ZNRF3: variants seen among roughly 807,000 people sequenced by gnomAD.
The protein encoded by ZNRF3 is zinc and ring finger 3.
A neutral mutation model predicts 72.5 loss-of-function variants in ZNRF3; 23 were observed. That is an observed-to-expected ratio of 0.32 (90% CI 0.23 to 0.45). ZNRF3 has a LOEUF of 0.45. Among genes scored for constraint, ZNRF3 ranks in the 20% least tolerant of loss-of-function variants. The pLI is 1.00. For synonymous variants in ZNRF3, 610 were observed against 545.3 expected, an observed-to-expected ratio of 1.12 and a Z score of -1.65; for missense variants, 1,169 against 1,272.1, an observed-to-expected ratio of 0.92 and a Z score of 1.23.
intron 2 of ZNRF3, among the ~76,000 whole-genome samples, chr22:28,989,299 T>C (rs1265365628): frequency 1.3e-5 from 2 of 152,158 alleles, no homozygotes; most frequent in Non-Finnish European, 2.9e-5. Context: ...CAGTTTTGCA[T>C]TTGTTTAAAG....
At chr22:29,038,444 T>C (rs1028091310) in intron 2 of ZNRF3, among the ~76,000 whole-genome samples, 3 of 151,432 alleles carry the variant, frequency 2.0e-5, no homozygotes, top group African/African-American at 7.3e-5. Flanking sequence ...TCAAGCAGTC[T>C]ACCTCAGCCT....
At chr22:29,015,930 C>T (rs1325477450) in intron 2 of ZNRF3, among the ~76,000 whole-genome samples, 2 of 150,366 alleles carry the variant, frequency 1.3e-5, no homozygotes, top group Non-Finnish European at 2.9e-5. Flanking sequence ...GAAGGAGAAT[C>T]GCTTGAACCC....
chr22:28,962,030 C>G (rs2035370528), intron 1 of ZNRF3, among the ~76,000 whole-genome samples: 1 of 152,206 alleles, frequency 6.6e-6, no homozygotes, highest in African/African-American at 2.4e-5. Context: ...TGTGGACTTT[C>G]TTCCTTGAGA....
At chr22:28,894,340 T>TTC (rs1225223145) in intron 1 of ZNRF3, among the ~76,000 whole-genome samples, 1 of 145,772 alleles carries the variant, frequency 6.9e-6, no homozygotes. Context: ...AATACTGGCT[T>TTC]TTTTTTTTTT....
chr22:29,013,345 C>A (rs1487983809), intron 2 of ZNRF3, among the ~76,000 whole-genome samples: 1 of 152,180 alleles, frequency 6.6e-6, no homozygotes, highest in Non-Finnish European at 1.5e-5. Context: ...TCCCCTGTTC[C>A]AACTTCTCAG....
chr22:28,919,602 C>T (rs938878262), intron 1 of ZNRF3, among the ~76,000 whole-genome samples: 2 of 149,948 alleles, frequency 1.3e-5, no homozygotes, highest in African/African-American at 2.5e-5. Context: ...TGCAGTGGTG[C>T]GATCTTGGCT....
chr22:28,900,275 T>A (rs2034078381), intron 1 of ZNRF3, among the ~76,000 whole-genome samples: 1 of 152,194 alleles, frequency 6.6e-6, no homozygotes, highest in African/African-American at 2.4e-5. Context: ...TAAGCAAAGA[T>A]CACAGTCGAA....
rs1313279759 is a variant in ZNRF3 at position 28,902,256 on chromosome 22, G to A, written c.300+18190G>A. 3.3e-5 allele frequency among the ~76,000 whole-genome samples: 5 copies of A among 152,106 alleles called. No individual in the cohort carries two copies. The East Asian group carries it at 5.8e-4, about 18-fold the overall frequency. On this transcript the variant is annotated intron_variant, in intron 1 of 8. Transcript: ENST00000544604. ...TTGGCAAGTTAACTTTCATTCACCT[G>A]GTTTGGGTATAAGTTCTCTTTAGTT...
chr22:28,940,973 T>TC (rs2034935102), intron 1 of ZNRF3, among the ~76,000 whole-genome samples: 1 of 152,206 alleles, frequency 6.6e-6, no homozygotes, highest in Non-Finnish European at 1.5e-5. Context: ...CCTTTTTTTT[T>TC]CCTCCCCCTT....
chr22:29,048,579 C>A lies in ZNRF3; in HGVS notation c.1015+88C>A. 7.4e-7 allele frequency: 1 copy of A among 1,359,866 alleles called. No individual in the cohort carries two copies. Among genetic ancestry groups the A allele is most frequent in the African/African-American group, 1.4e-5 (1 of 70,362 alleles). The allele number at this position is 1,359,866 out of a possible 1,614,324, so 84.2% of individuals were successfully genotyped here. ...ACCGCAGGCTTGGGAACACTCAGAA[C>A]CACCGTGGCACTGCCCTCTGGACTT... On this transcript the variant is annotated intron_variant, in intron 7 of 8. Transcript: ENST00000544604. The surrounding 1 kb of genome is among the most constrained non-coding windows in gnomAD (Gnocchi z 4.9).
chr22:28,883,722 TA>T lies in ZNRF3; in HGVS notation c.-44del. On this transcript the variant is annotated 5_prime_UTR_variant, in exon 1 of 9. The change abolishes an upstream ATG in the 5' untranslated region. Coordinates refer to ENST00000544604, the MANE Select transcript of ZNRF3 (RefSeq NM_001206998.2). The surrounding 1 kb of genome is among the most constrained non-coding windows in gnomAD (Gnocchi z 5.5). ...GTTCGGTCCTCAGCCGGCCCGCGAC[TA>T]TGCCCGGCCGCGCCCGCCCTCCGCG... 1.0e-6 allele frequency: 1 copy of T among 981,832 alleles called. No homozygotes were observed. The highest frequency in any genetic ancestry group is 1.2e-6 in the Non-Finnish European group (1 of 828,392). 60.8% of individuals were successfully genotyped at this position (981,832 alleles called of 1,614,324 possible). A position where few individuals can be genotyped will look rare whatever the true frequency, so the allele number is the denominator to read the frequency against.
intron 1 of ZNRF3, among the ~76,000 whole-genome samples, chr22:28,969,493 T>G (rs951991858): frequency 4.6e-5 from 7 of 152,150 alleles, no homozygotes; most frequent in Non-Finnish European, 8.8e-5. Context: ...GGTAGATTAT[T>G]CCAGGCAGAG....
intron 8 of ZNRF3, among the ~76,000 whole-genome samples, chr22:29,052,109 C>T (rs2037218113): frequency 6.6e-6 from 1 of 152,140 alleles, no homozygotes; most frequent in Non-Finnish European, 1.5e-5. Flanking sequence ...ACAAGATTTC[C>T]AAACATGCTG....
intron 2 of ZNRF3, among the ~76,000 whole-genome samples, chr22:29,000,686 T>C (rs2036126059): frequency 6.6e-6 from 1 of 152,212 alleles, no homozygotes. Flanking sequence ...AATTGACTTA[T>C]GGTTCTGCAA....
intron 1 of ZNRF3, among the ~76,000 whole-genome samples, chr22:28,973,373 C>T (rs907312077): frequency 1.2e-4 from 19 of 152,132 alleles, no homozygotes; most frequent in African/African-American, 4.6e-4. Context: ...GTTGCCTATG[C>T]TTTTGGTATG....
chr22:29,007,760 T>C (rs2036284289), intron 2 of ZNRF3, among the ~76,000 whole-genome samples: 1 of 143,872 alleles, frequency 7.0e-6, no homozygotes, highest in South Asian at 2.3e-4. Flanking sequence ...TCCTTTTTTT[T>C]TTTTTTTTTT....
intron 2 of ZNRF3, among the ~76,000 whole-genome samples, chr22:29,027,915 T>C (rs1329538829): frequency 6.6e-6 from 1 of 152,146 alleles, no homozygotes; most frequent in East Asian, 1.9e-4. Flanking sequence ...TTTGGTAGGG[T>C]GTCATCAAAC....
At chr22:28,935,638 C>G (rs2034805858) in intron 1 of ZNRF3, among the ~76,000 whole-genome samples, 1 of 152,214 alleles carries the variant, frequency 6.6e-6, no homozygotes, top group African/African-American at 2.4e-5. Context: ...TCTGGCCAGC[C>G]ACCTTGGATC....
At chr22:28,955,854 G>A (rs1029268692) in intron 1 of ZNRF3, among the ~76,000 whole-genome samples, 11 of 152,000 alleles carry the variant, frequency 7.2e-5, no homozygotes, top group African/African-American at 2.7e-4. Context: ...AGGAGGTCCG[G>A]GCTGCAGTGA....
Sources: allele counts gnomAD v4.1 joint callset (sites outside exome capture counted in the v4.1 genomes callset), GRCh38; gene constraint gnomAD v4.1.1; non-coding constraint Gnocchi (gnomAD v3.1); transcripts MANE v1.5; gene names NCBI Gene and HGNC (gene_info 2026-07-23, HGNC 2026-07-21).